DNAJC13: variants seen among roughly 807,000 people sequenced by gnomAD.
DNAJC13 encodes the protein dnaJ homolog subfamily C member 13.
DNAJC13 carries 75 observed loss-of-function variants against 290.5 expected under a neutral mutation model. That is an observed-to-expected ratio of 0.26 (90% confidence interval 0.21 to 0.31). The LOEUF is 0.31. DNAJC13 is among the 10% of genes least tolerant of loss of function. DNAJC13 has a pLI of 1.00. For synonymous variants in DNAJC13, 862 were observed against 892.0 expected (o/e 0.97, Z 0.60); for missense variants, 2,260 against 2,674.5 (o/e 0.85, Z 3.42).
Position 132,422,330 on chromosome 3 carries a change from C to T in DNAJC13, c.-14+4570C>T, listed in dbSNP as rs73215984. ...GGGATTACAGGTGTGAGCCACCATA[C>T]CTGGCTCACTTGGACACTTGAAAGT... On this transcript the variant is annotated intron_variant, in intron 1 of 55. Coordinates refer to ENST00000260818, the MANE Select transcript of DNAJC13 (RefSeq NM_015268.4). Among the ~76,000 whole-genome samples, 1,511 of 152,240 alleles carry T rather than the reference C, an allele frequency of 9.9e-3. 12 individuals carry two copies. Among genetic ancestry groups the T allele is most frequent in the Non-Finnish European group, 0.015 (1,010 of 68,022 alleles).
Position 132,482,311 on chromosome 3 carries a change from G to A in DNAJC13, c.2960G>A (p.Gly987Asp). The A allele has an allele frequency of 1.9e-6, 3 of 1,613,622 alleles. No homozygotes were observed. The highest frequency in any genetic ancestry group is 1.7e-5 in the Admixed American group (1 of 59,996). ...YFGNADKERS[G>D]PYGFHEMQEL... ...GGCAACGCAGACAAAGAAAGGAGTG[G>A]CCCGTATGGATTTCATGAGGTATGT... Residue 987 changes from glycine (G) to aspartate (D), a missense_variant, in exon 27 of 56, where the codon GGC becomes GAC. Coordinates refer to ENST00000260818, the MANE Select transcript of DNAJC13 (RefSeq NM_015268.4).
chr3:132,443,247 G>A (rs1933128827), intron 2 of DNAJC13, among the ~76,000 whole-genome samples: 1 of 152,118 alleles, frequency 6.6e-6, no homozygotes, highest in Non-Finnish European at 1.5e-5. Flanking sequence ...CTGCCTCCTG[G>A]GTTCAAGCAA....
chr3:132,432,216 G>C (rs891704192), intron 1 of DNAJC13, among the ~76,000 whole-genome samples: 5 of 148,974 alleles, frequency 3.4e-5, no homozygotes, highest in Non-Finnish European at 5.9e-5. Context: ...TTGTTTTTTT[G>C]GGGGGGGACA....
intron 39 of DNAJC13, among the ~76,000 whole-genome samples, chr3:132,502,037 C>A (rs1935432235): frequency 6.6e-6 from 1 of 152,162 alleles, no homozygotes; most frequent in South Asian, 2.1e-4. Context: ...AAACAGGAAA[C>A]TATTCCCAAG....
intron 51 of DNAJC13, 146 bp downstream of exon 51, chr3:132,523,859 C>A: frequency 1.3e-6 from 1 of 749,474 alleles, no homozygotes; most frequent in Non-Finnish European, 2.0e-6. Flanking sequence ...TCACATATGC[C>A]CCTCGATCAT....
At chr3:132,510,791 C>T (rs1357343748) in intron 43 of DNAJC13, among the ~76,000 whole-genome samples, 1 of 151,976 alleles carries the variant, frequency 6.6e-6, no homozygotes, top group Non-Finnish European at 1.5e-5. Flanking sequence ...CTGTATCATA[C>T]TATCTGTTAC....
chr3:132,515,665 T>A (rs1340076917), intron 46 of DNAJC13, among the ~76,000 whole-genome samples: 1 of 152,180 alleles, frequency 6.6e-6, no homozygotes, highest in Non-Finnish European at 1.5e-5. Context: ...ACTTTATACT[T>A]ATATAGTCCA....
chr3:132,468,090 C>A (rs1344991502), intron 20 of DNAJC13, among the ~76,000 whole-genome samples: 1 of 152,112 alleles, frequency 6.6e-6, no homozygotes, highest in African/African-American at 2.4e-5. Flanking sequence ...ATATTTGTTT[C>A]TCAAATCAAA....
chr3:132,462,540 G>T lies in DNAJC13; in HGVS notation c.1770+17G>T. 2 of 1,588,158 alleles carry T rather than the reference G, an allele frequency of 1.3e-6. No homozygotes were observed. Among genetic ancestry groups the T allele is most frequent in the Non-Finnish European group, 8.6e-7 (1 of 1,166,008 alleles). On this transcript the variant is annotated intron_variant, in intron 16 of 55. Coordinates refer to ENST00000260818, the MANE Select transcript of DNAJC13 (RefSeq NM_015268.4). ...ATAATAGAGGTGAGAGAACAATTTT[G>T]AAATTTTAACCTTACTTGAATGTTG...
chr3:132,427,682 A>C (rs1939135349), intron 1 of DNAJC13, among the ~76,000 whole-genome samples: 1 of 152,214 alleles, frequency 6.6e-6, no homozygotes, highest in Non-Finnish European at 1.5e-5. Flanking sequence ...GAAATTAATA[A>C]AAGATTTAGA....
At chr3:132,432,856 A>G (rs1939277969) in intron 1 of DNAJC13, among the ~76,000 whole-genome samples, 1 of 152,186 alleles carries the variant, frequency 6.6e-6, no homozygotes, top group East Asian at 1.9e-4. Context: ...ATCCTGTTCA[A>G]CCAGAGGAGT....
rs181818603 is a variant in DNAJC13, at chr3:132,523,726, C to A, written c.6060+13C>A. Reference sequence around the variant, plus strand: ...GAACAATCCTCATGTAAGCTTCAGTCAAAAGCAAAACATTTCAAAGACTTG... The same window carrying A: ...GAACAATCCTCATGTAAGCTTCAGTAAAAAGCAAAACATTTCAAAGACTTG... On this transcript the variant is annotated intron_variant, in intron 51 of 55. Coordinates refer to ENST00000260818, the MANE Select transcript of DNAJC13 (RefSeq NM_015268.4). 6.7e-5 allele frequency: 108 copies of A among 1,607,432 alleles called. No individual in the cohort carries two copies. In the East Asian group the frequency reaches 2.3e-3, roughly 35 times the overall value.
At chr3:132,533,333 CTTTTTTTT>C (rs1180651951) in intron 55 of DNAJC13, among the ~76,000 whole-genome samples, 1 of 115,714 alleles carries the variant, frequency 8.6e-6, no homozygotes, top group African/African-American at 3.5e-5. Context: ...TGCCCGCCCT[CTTTTTTTT>C]TTTTTTTTTT....
At chr3:132,508,787 T>C (rs1001244781) in intron 43 of DNAJC13, among the ~76,000 whole-genome samples, 23 of 152,228 alleles carry the variant, frequency 1.5e-4, no homozygotes, top group African/African-American at 4.6e-4. Flanking sequence ...TAAAAAATTA[T>C]GCTAAATCTG....
intron 46 of DNAJC13, 200 bp downstream of exon 46, chr3:132,514,870 G>T: frequency 2.2e-6 from 1 of 448,368 alleles, no homozygotes; most frequent in South Asian, 2.8e-5. Context: ...GAAAGTTGGG[G>T]GTGAGAGAGG....
At position 132,478,010 on chromosome 3, in the gene DNAJC13, G is replaced by T. The variant is rs1416710200; in HGVS notation, c.2579G>T (p.Arg860Leu). ...SYEFFNELYHRFLLTPKVNMK... is the reference protein window; with the variant it reads ...SYEFFNELYHLFLLTPKVNMK... ...GAATTTTTCAATGAGCTTTATCATC[G>T]CTTCTTGCTCACCCCAAAAGTAAAC... Residue 860 changes from arginine to leucine, a missense_variant, in exon 24 of 56, where the codon CGC (arginine) becomes CTC (leucine). Arg to Leu is a moderately radical substitution (Grantham distance 102). Coordinates refer to ENST00000260818, the MANE Select transcript of DNAJC13 (RefSeq NM_015268.4). 6 of 1,609,090 alleles carry T rather than the reference G, an allele frequency of 3.7e-6. No individual in the cohort carries two copies. The highest frequency in any genetic ancestry group is 4.2e-6 in the Non-Finnish European group (5 of 1,178,828).
At chr3:132,451,684 C>T (rs954674156) in intron 6 of DNAJC13, among the ~76,000 whole-genome samples, 2 of 152,002 alleles carry the variant, frequency 1.3e-5, no homozygotes, top group South Asian at 2.1e-4. Context: ...CTTAGTGTTC[C>T]GGGAATGCTC....
chr3:132,423,272 C>CTG (rs1162403577), intron 1 of DNAJC13, among the ~76,000 whole-genome samples: 1 of 152,162 alleles, frequency 6.6e-6, no homozygotes, highest in South Asian at 2.1e-4. Context: ...AAGGAAGACC[C>CTG]TGTCTCTTAA....
chr3:132,496,871 A>G (rs1035273690), intron 36 of DNAJC13, among the ~76,000 whole-genome samples: 5 of 152,162 alleles, frequency 3.3e-5, no homozygotes, highest in South Asian at 2.1e-4. Context: ...CTTCATAACT[A>G]TGTTTTTCAG....
Sources: allele counts gnomAD v4.1 joint callset (sites outside exome capture counted in the v4.1 genomes callset), GRCh38; gene constraint gnomAD v4.1.1; transcripts MANE v1.5; gene names NCBI Gene and HGNC (gene_info 2026-07-23, HGNC 2026-07-21).